The following GAN variants were observed in gnomAD, a reference collection of about 807,000 sequenced individuals.
GAN encodes epididymis secretory sperm binding protein.
Under a neutral mutation model 71.3 loss-of-function variants are expected in GAN, and 48 were observed. That is an observed-to-expected ratio of 0.67 (90% CI 0.53 to 0.86). The LOEUF is 0.86. Ranked by LOEUF, GAN falls within the 40% of genes least tolerant of loss-of-function variation. GAN has a pLI of 0.00. For synonymous variants in GAN, 386 were observed against 276.8 expected (o/e 1.39, Z -3.92); for missense variants, 928 against 770.1 (o/e 1.21, Z -2.43).
chr16:81,363,510 A>C lies in GAN; in HGVS notation c.1087-284A>C, dbSNP rs375965938. Among the ~76,000 whole-genome samples, 15 of 152,296 alleles carry C rather than the reference A, an allele frequency of 9.8e-5. No individual in the cohort carries two copies. The East Asian group carries it at 2.9e-3, about 29-fold the overall frequency. On this transcript the variant is annotated intron_variant, in intron 6 of 10. Coordinates refer to ENST00000648994, the MANE Select transcript of GAN (RefSeq NM_022041.4). The stretch of plus-strand genomic sequence containing the variant: ...TCTCTAATTTTTAAAAATAGTTTCA[A>C]CTTTTATTTTAGACTCGGGGATACA...
chr16:81,337,654 C>G (rs1431500056), intron 1 of GAN, among the ~76,000 whole-genome samples: 1 of 152,206 alleles, frequency 6.6e-6, no homozygotes, highest in Non-Finnish European at 1.5e-5. Flanking sequence ...TTGTAGACCC[C>G]TTTCATGGAT....
chr16:81,340,588 C>T (rs1265755868), intron 1 of GAN, among the ~76,000 whole-genome samples: 1 of 152,042 alleles, frequency 6.6e-6, no homozygotes, highest in Admixed American at 6.5e-5. Context: ...GGAATAGCAT[C>T]AACATCAACA....
chr16:81,318,836 G>C (rs1011981956), intron 1 of GAN, among the ~76,000 whole-genome samples: 1 of 152,196 alleles, frequency 6.6e-6, no homozygotes, highest in African/African-American at 2.4e-5. Flanking sequence ...GTTATGTAGA[G>C]AGAGCACGTG....
chr16:81,332,852 A>G (rs985165611), intron 1 of GAN, among the ~76,000 whole-genome samples: 1 of 152,208 alleles, frequency 6.6e-6, no homozygotes, highest in Non-Finnish European at 1.5e-5. Context: ...AAGTGATATC[A>G]TGTCCTCTTC....
At position 81,384,719 on chromosome 16, in the gene GAN, A is replaced by T. The variant is rs1028814316; in HGVS notation, c.*7123A>T. ...GCAGAACTATATAGAGTTGGATGAT[A>T]CTGAAAATCATGAATGATGTGATTT... On this transcript the variant is annotated 3_prime_UTR_variant, in exon 11 of 11. Transcript: ENST00000648994. 6.6e-6 allele frequency: 1 copy of T among 152,172 alleles called. No individual in the cohort carries two copies. The highest frequency in any genetic ancestry group is 1.5e-5 in the Non-Finnish European group (1 of 68,036). 9.4% of individuals were successfully genotyped at this position (152,172 alleles called of 1,614,324 possible).
chr16:81,362,167 G>T (rs1910695946), intron 5 of GAN, among the ~76,000 whole-genome samples: 1 of 152,160 alleles, frequency 6.6e-6, no homozygotes, highest in Non-Finnish European at 1.5e-5. Context: ...TGCAAAAGTT[G>T]TATGAGAATC....
chr16:81,316,904 G>GC (rs1909061948), intron 1 of GAN, among the ~76,000 whole-genome samples: 1 of 152,166 alleles, frequency 6.6e-6, no homozygotes, highest in South Asian at 2.1e-4. Flanking sequence ...TTTAGCCCAG[G>GC]CTAGAGTGCA....
chr16:81,364,829 A>C, intron 7 of GAN, 145 bp from the exon 8 acceptor site: 4 of 807,662 alleles, frequency 5.0e-6, no homozygotes, highest in East Asian at 4.9e-5. Context: ...CCGGTGTTGT[A>C]ATACTGAAAA....
At chr16:81,364,330 C>T (rs985721280) in intron 7 of GAN, among the ~76,000 whole-genome samples, 9 of 152,148 alleles carry the variant, frequency 5.9e-5, no homozygotes, top group East Asian at 1.9e-4. Flanking sequence ...AGTGCGGTGG[C>T]GCCATCTTGG....
At position 81,382,729 on chromosome 16, in the gene GAN, G is replaced by T. The variant is rs1275176274; in HGVS notation, c.*5133G>T. The T allele has an allele frequency of 1.3e-5, 2 of 152,158 alleles. No individual in the cohort carries two copies. The highest frequency in any genetic ancestry group is 4.8e-5 in the African/African-American group (2 of 41,446). 9.4% of individuals were successfully genotyped at this position (152,158 alleles called of 1,614,324 possible). A position where few individuals can be genotyped will look rare whatever the true frequency, so the allele number is the denominator to read the frequency against. ...GATTGAGTGTCTGTCATGCCTGCTG[G>T]CAGTTAAGTCTCAGTGGTATTGACT... On this transcript the variant is annotated 3_prime_UTR_variant, in exon 11 of 11. Coordinates refer to ENST00000648994, the MANE Select transcript of GAN (RefSeq NM_022041.4).
rs982895373 is a variant in GAN, at chr16:81,383,319, C to T, written c.*5723C>T. ...CTAGGCTGGAGTGCAGTGGTGCGAT[C>T]TCGGCTCACTGCAATCTCCGCCTCC... On this transcript the variant is annotated 3_prime_UTR_variant, in exon 11 of 11. Coordinates refer to ENST00000648994, the MANE Select transcript of GAN (RefSeq NM_022041.4). 4 of 124,312 alleles carry T rather than the reference C, an allele frequency of 3.2e-5. No homozygotes were observed. Among genetic ancestry groups the T allele is most frequent in the Admixed American group, 3.2e-4 (3 of 9,416 alleles). The allele number at this position is 124,312 out of a possible 1,614,324, so 7.7% of individuals were successfully genotyped here.
chr16:81,368,473 A>C (rs958833800), intron 9 of GAN, among the ~76,000 whole-genome samples: 6 of 152,192 alleles, frequency 3.9e-5, no homozygotes, highest in African/African-American at 1.4e-4. Context: ...TGAACATGGT[A>C]GTCCACGCCT....
chr16:81,332,357 C>A (rs757122840), intron 1 of GAN, among the ~76,000 whole-genome samples: 24 of 152,110 alleles, frequency 1.6e-4, no homozygotes, highest in Non-Finnish European at 1.2e-4. Context: ...TTAGTTCTTG[C>A]AGCAGGAGCT....
At chr16:81,370,915 C>G (rs567562822) in intron 9 of GAN, among the ~76,000 whole-genome samples, 140 of 152,302 alleles carry the variant, frequency 9.2e-4, no homozygotes, top group Non-Finnish European at 1.8e-3. Context: ...TTTTGCTTTT[C>G]TAAGGCACAC....
rs536376261 is a variant in GAN at position 81,386,558 on chromosome 16, T to C, written c.*8962T>C. Reference sequence around the variant, plus strand: ...TACACTTCTTTTCCTGGTTAGGTTATGAGACTGGCAGAGGTAGGAGTATAT... The same window carrying C: ...TACACTTCTTTTCCTGGTTAGGTTACGAGACTGGCAGAGGTAGGAGTATAT... On this transcript the variant is annotated 3_prime_UTR_variant, in exon 11 of 11. Coordinates refer to ENST00000648994, the MANE Select transcript of GAN (RefSeq NM_022041.4). 4 of 152,264 alleles carry C rather than the reference T, an allele frequency of 2.6e-5. No homozygotes were observed. Among genetic ancestry groups the C allele is most frequent in the Non-Finnish European group, 4.4e-5 (3 of 68,046 alleles). The allele number at this position is 152,264 out of a possible 1,614,324, so 9.4% of individuals were successfully genotyped here.
At chr16:81,367,402 G>T (rs1910895478) in intron 9 of GAN, among the ~76,000 whole-genome samples, 1 of 152,038 alleles carries the variant, frequency 6.6e-6, no homozygotes, top group Non-Finnish European at 1.5e-5. Flanking sequence ...AGTGGCACGT[G>T]TCTGTAGTCC....
intron 9 of GAN, among the ~76,000 whole-genome samples, chr16:81,371,518 G>A (rs182887099): frequency 6.6e-6 from 1 of 152,146 alleles, no homozygotes; most frequent in African/African-American, 2.4e-5. Context: ...ACCTGCCATG[G>A]GTGGCAGCTG....
In GAN at chr16:81,329,778, C is replaced by T. The variant is rs568165627; in HGVS notation, c.167+14498C>T. On this transcript the variant is annotated intron_variant, in intron 1 of 10. Transcript: ENST00000648994. ...CATCTGTCCCTATACCTTGATTAGA[C>T]ATAAGATTCCATTCTCACCCTGCAC... is the stretch of plus-strand genomic sequence containing the variant. 2.6e-5 allele frequency among the ~76,000 whole-genome samples: 4 copies of T among 152,296 alleles called. No homozygotes were observed. In the South Asian group the frequency reaches 6.2e-4, roughly 24 times the overall value.
At chr16:81,343,883 C>CA (rs1351613014) in intron 1 of GAN, among the ~76,000 whole-genome samples, 1 of 152,152 alleles carries the variant, frequency 6.6e-6, no homozygotes, top group Non-Finnish European at 1.5e-5. Flanking sequence ...CATCTCAGCC[C>CA]AAAATCTTCT....
Sources: gnomAD v4.1 joint callset for allele counts (sites outside exome capture counted in the v4.1 genomes callset) on GRCh38, gnomAD v4.1.1 for gene constraint, MANE v1.5 for transcripts, NCBI Gene and HGNC (gene_info 2026-07-23, HGNC 2026-07-21) for gene names.